Variants in PPIP5K2 observed in about 807,000 individuals in gnomAD.
PPIP5K2 encodes the protein diphosphoinositol pentakisphosphate kinase 2, also known as inositol hexakisphosphate and diphosphoinositol-pentakisphosphate kinase 2.
In PPIP5K2, 105 loss-of-function variants were observed where a neutral mutation model predicts 154.6. The ratio of observed to expected loss-of-function variants is 0.68; its 90% CI spans 0.58 to 0.80. The LOEUF is 0.80. PPIP5K2 is among the 30% of genes least tolerant of loss of function. The pLI is 0.00. For synonymous variants in PPIP5K2, 480 were observed against 490.3 expected, an observed-to-expected ratio of 0.98 and a Z score of 0.28; for missense variants, 992 against 1,504.6, an observed-to-expected ratio of 0.66 and a Z score of 5.64.
chr5:103,121,693 C>T (rs1554199103), intron 1 of PPIP5K2, among the ~76,000 whole-genome samples: 1 of 152,214 alleles, frequency 6.6e-6, no homozygotes, highest in South Asian at 2.1e-4. Flanking sequence ...ACTGTACTTA[C>T]TGCAGCACAG....
intron 30 of PPIP5K2, among the ~76,000 whole-genome samples, chr5:103,197,569 ATTT>A (rs782156090): frequency 1.1e-5 from 1 of 86,974 alleles, no homozygotes; most frequent in Admixed American, 1.4e-4. Flanking sequence ...TAAAACACAA[ATTT>A]TTTTTTTTTT....
At chr5:103,138,330 A>G in intron 4 of PPIP5K2, 54 bp from the exon 5 acceptor site, 1 of 1,077,428 alleles carries the variant, frequency 9.3e-7, no homozygotes. Flanking sequence ...ACAATAATAT[A>G]TTCATTGTGA....
At chr5:103,126,372 TG>T (rs1554200721) in intron 1 of PPIP5K2, among the ~76,000 whole-genome samples, 1 of 151,938 alleles carries the variant, frequency 6.6e-6, no homozygotes, top group Non-Finnish European at 1.5e-5. Flanking sequence ...TTCATACCCT[TG>T]GGAAAAAAAA....
intron 17 of PPIP5K2, among the ~76,000 whole-genome samples, chr5:103,160,117 A>C (rs1580251519): frequency 6.6e-6 from 1 of 152,190 alleles, no homozygotes; most frequent in East Asian, 1.9e-4. Context: ...TTTTAAGGCT[A>C]GATGATGATA....
At position 103,159,309 on chromosome 5, in the gene PPIP5K2, C is replaced by A. The variant is rs1554214874; in HGVS notation, c.1901C>A (p.Thr634Asn). The A allele has an allele frequency of 6.2e-7, 1 of 1,608,556 alleles. No homozygotes were observed. Among genetic ancestry groups the A allele is most frequent in the Admixed American group, 1.7e-5 (1 of 58,444 alleles). Residue 634 changes from threonine to asparagine, a missense_variant, in exon 17 of 31, where the codon ACT (threonine) becomes AAT (asparagine). Thr to Asn is a moderately conservative substitution (Grantham distance 65). This residue lies in a region of PPIP5K2 where 82 missense variants were observed against 91.8 expected (regional missense o/e 0.89). Transcript: ENST00000358359. Reference sequence around the variant, plus strand: ...ATACTTCAGAAAGACAGAGATTTTACTGCTGAAGATTATGAAAAGGTGGGT... The same window carrying A: ...ATACTTCAGAAAGACAGAGATTTTAATGCTGAAGATTATGAAAAGGTGGGT... ...HEILQKDRDF[T>N]AEDYEKLTPS...
At chr5:103,152,804 T>G (rs1023598801) in intron 10 of PPIP5K2, 55 bp downstream of exon 10, 1 of 1,199,844 alleles carries the variant, frequency 8.3e-7, no homozygotes, top group Admixed American at 2.0e-5. Flanking sequence ...ATCTGTGCTA[T>G]TAGGATAAAA....
intron 17 of PPIP5K2, among the ~76,000 whole-genome samples, chr5:103,160,660 C>T (rs1220600553): frequency 6.6e-6 from 1 of 152,146 alleles, no homozygotes; most frequent in African/African-American, 2.4e-5. Context: ...CATGTAAAAA[C>T]CATTCTTAGC....
chr5:103,187,675 C>G (rs1180492527), intron 28 of PPIP5K2, among the ~76,000 whole-genome samples: 1 of 152,118 alleles, frequency 6.6e-6, no homozygotes, highest in East Asian at 1.9e-4. Context: ...GATCAGTCTA[C>G]ACAAATTTTT....
chr5:103,163,506 T>A (rs1796670502), intron 17 of PPIP5K2, among the ~76,000 whole-genome samples: 1 of 151,998 alleles, frequency 6.6e-6, no homozygotes, highest in South Asian at 2.1e-4. Context: ...TAACTGCACA[T>A]CTATACTTTT....
intron 7 of PPIP5K2, 45 bp from the exon 8 acceptor site, chr5:103,149,107 C>CACAA: frequency 7.0e-7 from 1 of 1,418,650 alleles, no homozygotes; most frequent in Non-Finnish European, 9.6e-7. Flanking sequence ...CACACACACA[C>CACAA]ACATACATAT....
At chr5:103,136,195 A>G (rs1478426017) in intron 3 of PPIP5K2, 6 of 152,216 alleles carry the variant, frequency 3.9e-5, no homozygotes, top group African/African-American at 1.5e-4. Flanking sequence ...CTGGTCTCGA[A>G]CTCCTGACCT....
intron 19 of PPIP5K2, among the ~76,000 whole-genome samples, chr5:103,172,328 T>C (rs1798094386): frequency 6.6e-6 from 1 of 151,364 alleles, no homozygotes. Flanking sequence ...TTTTCTTTAT[T>C]AGGCAGTTTT....
chr5:103,194,933 G>C lies in PPIP5K2; in HGVS notation c.3527G>C (p.Arg1176Thr), dbSNP rs782405893. ...STALRSSPIM[R>T]KKVSLNTYTP... Reference sequence around the variant, plus strand: ...GCTTTACGTTCCAGTCCAATAATGAGAAAAAAAGTATCTTTAAATACGTAT... The same window carrying C: ...GCTTTACGTTCCAGTCCAATAATGACAAAAAAAGTATCTTTAAATACGTAT... Residue 1176 changes from arginine to threonine, a missense_variant, in exon 30 of 31, where the codon AGA becomes ACA. Coordinates refer to ENST00000358359, the MANE Select transcript of PPIP5K2 (RefSeq NM_001276277.3). 1 of 1,612,624 alleles carries C rather than the reference G, an allele frequency of 6.2e-7. No homozygotes were observed.
chr5:103,140,836 CA>C (rs34150862), intron 5 of PPIP5K2, among the ~76,000 whole-genome samples: 33,548 of 88,166 alleles, frequency 0.38, 3,106 homozygotes, highest in East Asian at 0.5. Context: ...GACTCCGTCT[CA>C]AAAAAAAAAA....
At chr5:103,142,564 G>A (rs368781688) in intron 5 of PPIP5K2, among the ~76,000 whole-genome samples, 1 of 152,178 alleles carries the variant, frequency 6.6e-6, no homozygotes, top group Admixed American at 6.5e-5. Flanking sequence ...AAGAGCGAGC[G>A]AGGGCTGTGA....
chr5:103,157,124 A>G (rs1220544873), intron 14 of PPIP5K2, among the ~76,000 whole-genome samples: 5 of 152,140 alleles, frequency 3.3e-5, no homozygotes, highest in African/African-American at 1.2e-4. Flanking sequence ...CTGCAGGGGA[A>G]GGGGTGATTT....
chr5:103,146,119 A>G (rs1344510429), intron 5 of PPIP5K2, among the ~76,000 whole-genome samples: 2 of 152,084 alleles, frequency 1.3e-5, no homozygotes, highest in Non-Finnish European at 2.9e-5. Flanking sequence ...TTCTAATTGA[A>G]TTGCTGGCTT....
Position 103,206,480 on chromosome 5 carries a change from A to C in PPIP5K2, c.*4846A>C, listed in dbSNP as rs1803520723. The C allele has an allele frequency of 6.6e-6, 1 of 152,164 alleles. No individual in the cohort carries two copies. The highest frequency in any genetic ancestry group is 2.4e-5 in the African/African-American group (1 of 41,430). 9.4% of individuals were successfully genotyped at this position (152,164 alleles called of 1,614,324 possible). On this transcript the variant is annotated 3_prime_UTR_variant, in exon 31 of 31. Transcript: ENST00000358359. ...AAATAGAATACTCCAGGAGATTCCC[A>C]TGACCTTACTGACCCTAGAGCAGAT...
intron 28 of PPIP5K2, among the ~76,000 whole-genome samples, chr5:103,187,689 T>G (rs1211667913): frequency 6.6e-6 from 1 of 152,204 alleles, no homozygotes; most frequent in East Asian, 1.9e-4. Context: ...AATTTTTAAA[T>G]TATAATTAGT....
Sources: allele counts gnomAD v4.1 joint callset (sites outside exome capture counted in the v4.1 genomes callset), GRCh38; gene constraint gnomAD v4.1.1; regional missense constraint gnomAD v4.1.1; transcripts MANE v1.5; gene names NCBI Gene and HGNC (gene_info 2026-07-23, HGNC 2026-07-21).